Variants in FGF14 observed in about 807,000 individuals in gnomAD.
The protein encoded by FGF14 is fibroblast growth factor homologous factor 4.
Under a neutral mutation model 25.5 loss-of-function variants are expected in FGF14, and 5 were observed. That is an observed-to-expected ratio of 0.20 (90% CI 0.10 to 0.41). The LOEUF (loss-of-function observed/expected upper bound fraction) is 0.41, where lower values mean the gene tolerates loss of function less well. Among genes scored for constraint, FGF14 ranks in the 10% least tolerant of loss-of-function variants. The pLI is 1.00. For synonymous variants in FGF14, 138 were observed against 118.3 expected (o/e 1.17, Z -1.08); for missense variants, 222 against 320.1 (o/e 0.69, Z 2.34).
At position 101,845,548 on chromosome 13, in the gene FGF14, CAG is replaced by C. The variant is rs561978223; in HGVS notation, c.408+23175_408+23176del. Reference sequence around the variant, plus strand: ...AGCACAACATGGAGACAGGAAAACACAGAGATATGACAGTGAAGGCATGCTGA... The same window carrying C: ...AGCACAACATGGAGACAGGAAAACACAGATATGACAGTGAAGGCATGCTGA... On this transcript the variant is annotated intron_variant, in intron 3 of 4. Transcript: ENST00000376143. Among the ~76,000 whole-genome samples the C allele has an allele frequency of 3.9e-5, 6 of 152,020 alleles. No individual in the cohort carries two copies. In the South Asian group the frequency reaches 1.0e-3, roughly 26 times the overall value.
chr13:101,999,092 A>G (rs2039340481), intron 1 of FGF14, among the ~76,000 whole-genome samples: 1 of 152,242 alleles, frequency 6.6e-6, no homozygotes, highest in East Asian at 1.9e-4. Context: ...AGACTGGGGC[A>G]TAATTTATTT....
At chr13:102,308,816 T>C (rs1168991551) in intron 1 of FGF14, among the ~76,000 whole-genome samples, 1 of 149,276 alleles carries the variant, frequency 6.7e-6, no homozygotes, top group African/African-American at 2.5e-5. Flanking sequence ...ACAATAAGAC[T>C]GGAGTGGGAC....
At chr13:101,928,614 A>T (rs957979787) in intron 1 of FGF14, among the ~76,000 whole-genome samples, 1 of 151,982 alleles carries the variant, frequency 6.6e-6, no homozygotes, top group African/African-American at 2.4e-5. Flanking sequence ...AGCCTTAGAG[A>T]TGATTTAAAA....
At chr13:101,953,570 G>GTGTGTGTGTGTGTATATATC (rs532696085) in intron 1 of FGF14, among the ~76,000 whole-genome samples, 1 of 138,074 alleles carries the variant, frequency 7.2e-6, no homozygotes. Context: ...GTGTGTGTGT[G>GTGTGTGTGTGTGTATATATC]TATATATATA....
intron 1 of FGF14, among the ~76,000 whole-genome samples, chr13:102,302,561 C>T (rs1182417035): frequency 6.6e-5 from 10 of 152,106 alleles, no homozygotes; most frequent in African/African-American, 2.2e-4. Flanking sequence ...AGAAATCCAA[C>T]TCTCTGCTCA....
chr13:102,065,141 C>T (rs1327983430), intron 1 of FGF14, among the ~76,000 whole-genome samples: 1 of 152,092 alleles, frequency 6.6e-6, no homozygotes, highest in African/African-American at 2.4e-5. Flanking sequence ...CCACATTCAT[C>T]ATCATCTATT....
chr13:102,281,952 C>A (rs1228809614), intron 1 of FGF14, among the ~76,000 whole-genome samples: 2 of 152,228 alleles, frequency 1.3e-5, no homozygotes, highest in African/African-American at 4.8e-5. Context: ...GAAAGAAAAT[C>A]ATATGTCCGT....
At position 102,346,286 on chromosome 13, in the gene FGF14, T is replaced by C. The variant is rs182136577; in HGVS notation, c.208+55185A>G. Among the ~76,000 whole-genome samples the C allele has an allele frequency of 2.6e-3, 403 of 152,282 alleles. 1 individual carries two copies. The highest frequency in any genetic ancestry group is 9.3e-3 in the African/African-American group (385 of 41,552). The stretch of plus-strand genomic sequence containing the variant: ...AAATACTATATAGCTAAATAAACCA[T>C]ATGGCTATTATAAATATGTTCTATA... On this transcript the variant is annotated intron_variant, in intron 1 of 4. Transcript: ENST00000376131.
At chr13:101,820,217 C>A (rs1318988365) in intron 3 of FGF14, among the ~76,000 whole-genome samples, 4 of 151,948 alleles carry the variant, frequency 2.6e-5, no homozygotes, top group Non-Finnish European at 4.4e-5. Flanking sequence ...ATAAATGATG[C>A]TGTGTTCTGT....
chr13:102,156,196 G>C (rs1191650816), intron 1 of FGF14, among the ~76,000 whole-genome samples: 1 of 152,074 alleles, frequency 6.6e-6, no homozygotes, highest in Non-Finnish European at 1.5e-5. Context: ...GCCGGGCAGA[G>C]ACACAACAAA....
chr13:102,085,246 G>T (rs1419005378), intron 1 of FGF14, among the ~76,000 whole-genome samples: 1 of 151,876 alleles, frequency 6.6e-6, no homozygotes, highest in South Asian at 2.1e-4. Context: ...ATGTGCTGGT[G>T]GGGGAGGGGG....
In FGF14 at chr13:101,720,380, A is replaced by AAACAC. The variant is rs2034888110; in HGVS notation, c.*2446_*2450dup. 6.6e-6 allele frequency: 1 copy of AAACAC among 152,120 alleles called. No homozygotes were observed. The highest frequency in any genetic ancestry group is 1.5e-5 in the Non-Finnish European group (1 of 68,004). 9.4% of individuals were successfully genotyped at this position (152,120 alleles called of 1,614,324 possible). On this transcript the variant is annotated 3_prime_UTR_variant, in exon 5 of 5. Coordinates refer to ENST00000376143, the MANE Select transcript of FGF14 (RefSeq NM_004115.4). ...TGCCCTTATAGACACCCCATATATA[A>AAACAC]AACACAACAGAGATACACATTTACA...
intron 1 of FGF14, among the ~76,000 whole-genome samples, chr13:101,941,827 T>C (rs1354074448): frequency 6.6e-6 from 1 of 152,216 alleles, no homozygotes; most frequent in African/African-American, 2.4e-5. Flanking sequence ...CTGAAAAGAA[T>C]AAACCCAGGT....
chr13:101,966,328 C>G (rs1426073555), intron 1 of FGF14, among the ~76,000 whole-genome samples: 1 of 152,054 alleles, frequency 6.6e-6, no homozygotes, highest in Non-Finnish European at 1.5e-5. Flanking sequence ...ATTTACGAGA[C>G]AAAGAATATC....
chr13:102,207,811 G>A (rs961911282), intron 1 of FGF14, among the ~76,000 whole-genome samples: 7 of 151,938 alleles, frequency 4.6e-5, no homozygotes, highest in African/African-American at 1.5e-4. Context: ...AGTTCAAAAA[G>A]GTTAAATGAT....
At chr13:101,724,333 A>G (rs1268736785) in intron 4 of FGF14, among the ~76,000 whole-genome samples, 3 of 151,770 alleles carry the variant, frequency 2.0e-5, no homozygotes, top group Non-Finnish European at 4.4e-5. Context: ...TCAGCAAACT[A>G]TCTCAAGGAC....
intron 3 of FGF14, among the ~76,000 whole-genome samples, chr13:101,840,348 T>C (rs1014092234): frequency 6.6e-6 from 1 of 151,912 alleles, no homozygotes. Context: ...TAATTTCTCA[T>C]AGCTTATTTT....
At chr13:102,279,024 T>G (rs984285096) in intron 1 of FGF14, among the ~76,000 whole-genome samples, 16 of 152,198 alleles carry the variant, frequency 1.1e-4, no homozygotes, top group Non-Finnish European at 1.9e-4. Context: ...GATTGTTTTG[T>G]TTTAATTTAT....
chr13:101,848,005 C>T (rs1383009981), intron 3 of FGF14, among the ~76,000 whole-genome samples: 2 of 151,954 alleles, frequency 1.3e-5, no homozygotes, highest in East Asian at 3.9e-4. Flanking sequence ...TTTGTCAACG[C>T]AAGCAGGGAA....
Sources: gnomAD v4.1 joint callset for allele counts (sites outside exome capture counted in the v4.1 genomes callset) on GRCh38, gnomAD v4.1.1 for gene constraint, MANE v1.5 for transcripts, NCBI Gene and HGNC (gene_info 2026-07-23, HGNC 2026-07-21) for gene names.